ITPRID1: variants seen among roughly 807,000 people sequenced by gnomAD.
The protein encoded by ITPRID1 is ITPR interacting domain containing 1, also known as protein ITPRID1.
A neutral mutation model predicts 95.4 loss-of-function variants in ITPRID1; 96 were observed. The ratio of observed to expected loss-of-function variants is 1.01; its 90% CI spans 0.85 to 1.19. The LOEUF is 1.19. Ranked by LOEUF, ITPRID1 falls within the 50% of genes most tolerant of loss-of-function variation. The pLI is 0.00. For missense variants in ITPRID1, 1,339 were observed against 1,252.9 expected, an observed-to-expected ratio of 1.07 and a Z score of -1.04; for synonymous variants, 510 against 453.6, an observed-to-expected ratio of 1.12 and a Z score of -1.58.
chr7:31,583,812 G>A (rs1166001947), intron 10 of ITPRID1, among the ~76,000 whole-genome samples: 1 of 152,100 alleles, frequency 6.6e-6, no homozygotes, highest in African/African-American at 2.4e-5. Context: ...CTGTGGGGAG[G>A]GGGTACTTTT....
intron 5 of ITPRID1, among the ~76,000 whole-genome samples, chr7:31,557,088 A>T (rs1784473052): frequency 6.6e-6 from 1 of 151,916 alleles, no homozygotes; most frequent in Non-Finnish European, 1.5e-5. Context: ...GACACCAGTC[A>T]TTGGATTAAG....
chr7:31,655,651 T>C lies in ITPRID1; in HGVS notation c.*2822T>C. 1 of 791,204 alleles carries C rather than the reference T, an allele frequency of 1.3e-6. No homozygotes were observed. Among genetic ancestry groups the C allele is most frequent in the Non-Finnish European group, 1.5e-6 (1 of 652,526 alleles). The allele number at this position is 791,204 out of a possible 1,614,324, so 49.0% of individuals were successfully genotyped here. ...TCGTCGCCTCCCACTGCATCATCCC[T>C]TTTTGCCACATCCCCATCTTGGCTC... On this transcript the variant is annotated 3_prime_UTR_variant, in exon 15 of 15. Coordinates refer to ENST00000615280, the MANE Select transcript of ITPRID1 (RefSeq NM_001257967.3).
chr7:31,601,942 C>A (rs1045729120), intron 10 of ITPRID1, among the ~76,000 whole-genome samples: 8 of 152,148 alleles, frequency 5.3e-5, no homozygotes, highest in Non-Finnish European at 7.3e-5. Flanking sequence ...TTTCTACACA[C>A]CCATGAAAGT....
intron 10 of ITPRID1, among the ~76,000 whole-genome samples, chr7:31,621,540 G>A (rs62448768): frequency 1.6e-4 from 24 of 147,054 alleles, no homozygotes; most frequent in East Asian, 3.9e-4. Context: ...AAAATACTTT[G>A]CAGACAAGCA....
At chr7:31,598,386 CT>C (rs70986632) in intron 10 of ITPRID1, among the ~76,000 whole-genome samples, 51,446 of 125,254 alleles carry the variant, frequency 0.41, 10,098 homozygotes, top group East Asian at 0.54. Flanking sequence ...TAGCGAATTT[CT>C]TTTTTTTTTT....
In ITPRID1 at chr7:31,608,251, C is replaced by G. The variant is rs189279838; in HGVS notation, c.1228+25060C>G. Among the ~76,000 whole-genome samples, 547 of 152,042 alleles carry G rather than the reference C, an allele frequency of 3.6e-3. 4 individuals carry two copies. The highest frequency in any genetic ancestry group is 0.013 in the African/African-American group (524 of 41,526). ...TGTCTGTATACTACTAACACACTGT[C>G]TTCATTATTGTACCTTTGTAGTAAG... On this transcript the variant is annotated intron_variant, in intron 10 of 14. Transcript: ENST00000615280.
intron 5 of ITPRID1, among the ~76,000 whole-genome samples, chr7:31,567,996 C>T (rs922000292): frequency 6.6e-6 from 1 of 151,864 alleles, no homozygotes; most frequent in African/African-American, 2.4e-5. Context: ...CATGGTGGTA[C>T]ACACCTGTAA....
intron 1 of ITPRID1, among the ~76,000 whole-genome samples, chr7:31,528,668 C>T (rs1783497392): frequency 6.6e-6 from 1 of 152,118 alleles, no homozygotes; most frequent in East Asian, 1.9e-4. Context: ...TCATATCTTG[C>T]TCATTGATGC....
chr7:31,632,437 A>C (rs1252400920), intron 10 of ITPRID1, among the ~76,000 whole-genome samples: 7 of 152,072 alleles, frequency 4.6e-5, no homozygotes, highest in Non-Finnish European at 1.0e-4. Context: ...ACAGAGCGAG[A>C]CTCCTTCTCA....
intron 14 of ITPRID1, 54 bp downstream of exon 14, chr7:31,652,104 T>A (rs1791015700): frequency 8.1e-7 from 1 of 1,230,472 alleles, no homozygotes; most frequent in Non-Finnish European, 1.2e-6. Flanking sequence ...ACAGGAGAGG[T>A]GCATTAAATG....
At position 31,574,703 on chromosome 7, in the gene ITPRID1, C is replaced by G. The variant is rs770813299; in HGVS notation, c.559C>G (p.Gln187Glu). ...CAACATCCGTGTTTTTCTTGAAGCT[C>G]AAAAGCAGCGAATGGACATTGAGAA... The part of the protein sequence containing the change: ...GINIRVFLEA[Q>E]KQRMDIENPN... Residue 187 changes from glutamine to glutamate, a missense_variant, in exon 8 of 15, where the codon CAA (glutamine) becomes GAA (glutamate). By Grantham distance (29) the Gln-to-Glu change is conservative (BLOSUM62 2). Transcript: ENST00000615280. 5.9e-5 allele frequency: 96 copies of G among 1,613,688 alleles called. No homozygotes were observed. Among genetic ancestry groups the G allele is most frequent in the Non-Finnish European group, 5.9e-6 (7 of 1,179,838 alleles).
chr7:31,547,856 G>A (rs545892346), intron 1 of ITPRID1, among the ~76,000 whole-genome samples: 7 of 152,178 alleles, frequency 4.6e-5, no homozygotes, highest in African/African-American at 1.7e-4. Flanking sequence ...ACATTCAAGT[G>A]GAAATGTTAA....
Position 31,642,812 on chromosome 7 carries a change from C to T in ITPRID1, c.1442C>T (p.Ala481Val), listed in dbSNP as rs138066602. The change falls in exon 12 of 15, where the codon GCG (alanine) becomes GTG (valine). Residue 481 changes from alanine to valine, a missense_variant. Transcript: ENST00000615280. ...ESDGPDSKSRASMSFSSQEAN... is the reference protein window; with the variant it reads ...ESDGPDSKSRVSMSFSSQEAN... ...GATGGGCCAGATTCCAAAAGTAGGG[C>T]GAGCATGTCTTTTTCAAGCCAAGAA... The T allele has an allele frequency of 7.0e-5, 113 of 1,613,794 alleles. No homozygotes were observed. In the African/African-American group the frequency reaches 7.9e-4, roughly 11 times the overall value.
At chr7:31,658,511 TTA>T (rs1791395086), downstream of ITPRID1, 1 of 858,796 alleles carries the variant, frequency 1.2e-6, no homozygotes, top group South Asian at 4.3e-5. Context: ...AGAAAAAGTT[TTA>T]GAGTGTTTTC....
chr7:31,637,888 T>C (rs1789642534), intron 10 of ITPRID1, among the ~76,000 whole-genome samples: 1 of 152,236 alleles, frequency 6.6e-6, no homozygotes, highest in Non-Finnish European at 1.5e-5. Context: ...TGTAAGTCTT[T>C]AATCCATCTT....
chr7:31,526,117 A>G (rs925952354), intron 1 of ITPRID1, among the ~76,000 whole-genome samples: 4 of 152,198 alleles, frequency 2.6e-5, no homozygotes, highest in Non-Finnish European at 5.9e-5. Context: ...GGTGAACATA[A>G]AACAACCACA....
intron 3 of ITPRID1, among the ~76,000 whole-genome samples, 193 bp downstream of exon 3, chr7:31,553,380 ACCT>A (rs1184516323): frequency 1.3e-5 from 2 of 152,094 alleles, no homozygotes; most frequent in Non-Finnish European, 2.9e-5. Flanking sequence ...CAGGACACAG[ACCT>A]CCTTGAAAGA....
At chr7:31,616,773 C>T (rs138779709) in intron 10 of ITPRID1, among the ~76,000 whole-genome samples, 2 of 150,346 alleles carry the variant, frequency 1.3e-5, no homozygotes, top group African/African-American at 5.0e-5. Context: ...AAGACAAAAC[C>T]AAAAAGGTTT....
intron 10 of ITPRID1, among the ~76,000 whole-genome samples, chr7:31,586,030 C>T (rs1343044878): frequency 1.4e-5 from 2 of 145,010 alleles, no homozygotes; most frequent in Non-Finnish European, 1.5e-5. Context: ...TGATATTCCC[C>T]TTCCTGTGTT....
Sources: gnomAD v4.1 joint callset for allele counts (sites outside exome capture counted in the v4.1 genomes callset) on GRCh38, gnomAD v4.1.1 for gene constraint, MANE v1.5 for transcripts, NCBI Gene and HGNC (gene_info 2026-07-23, HGNC 2026-07-21) for gene names.